DNAH8: variants seen among roughly 807,000 people sequenced by gnomAD.
DNAH8 encodes the protein axonemal beta dynein heavy chain 8.
Under a neutral mutation model 562.1 loss-of-function variants are expected in DNAH8, and 382 were observed. The observed-to-expected ratio is 0.68, with a 90% confidence interval of 0.63 to 0.74. The LOEUF (loss-of-function observed/expected upper bound fraction) is 0.74. Ranked by LOEUF, DNAH8 falls within the 30% of genes least tolerant of loss-of-function variation. DNAH8 has a pLI of 0.00. For synonymous variants in DNAH8, 1,881 were observed against 1,919.4 expected, an observed-to-expected ratio of 0.98 and a Z score of 0.52; for missense variants, 5,203 against 5,620.4, an observed-to-expected ratio of 0.93 and a Z score of 2.37.
intron 23 of DNAH8, among the ~76,000 whole-genome samples, chr6:38,806,837 T>A (rs1201132356): frequency 6.6e-6 from 1 of 152,172 alleles, no homozygotes; most frequent in East Asian, 1.9e-4. Context: ...GTGCTTTAGC[T>A]TGATAGTTCA....
rs73734461 is a variant in DNAH8, at chr6:38,781,968, G to A, written c.2259+595G>A. Reference sequence around the variant, plus strand: ...ATTTAAGAGACAGAGTCACAAGGTGGAGTTGGTTTGCTTGATCTCGTGCCC... The same window carrying A: ...ATTTAAGAGACAGAGTCACAAGGTGAAGTTGGTTTGCTTGATCTCGTGCCC... On this transcript the variant is annotated intron_variant, in intron 16 of 92. Transcript: ENST00000327475. Among the ~76,000 whole-genome samples the A allele has an allele frequency of 9.7e-3, 1,475 of 152,168 alleles. 20 individuals are homozygous for A. Among genetic ancestry groups the A allele is most frequent in the African/African-American group, 0.033 (1,385 of 41,500 alleles).
intron 48 of DNAH8, among the ~76,000 whole-genome samples, 164 bp from the exon 49 acceptor site, chr6:38,870,237 A>C (rs1777364665): frequency 6.6e-6 from 1 of 152,292 alleles, no homozygotes; most frequent in East Asian, 1.9e-4. Flanking sequence ...CAGCCAAACC[A>C]TATCAGTGAT....
chr6:38,965,708 C>T (rs1455427706), intron 82 of DNAH8, among the ~76,000 whole-genome samples: 1 of 152,186 alleles, frequency 6.6e-6, no homozygotes, highest in Non-Finnish European at 1.5e-5. Context: ...TGCATACACG[C>T]TTCTCTTGAG....
intron 21 of DNAH8, among the ~76,000 whole-genome samples, chr6:38,800,971 G>T: frequency 6.6e-6 from 1 of 152,072 alleles, no homozygotes; most frequent in South Asian, 2.1e-4. Context: ...ATGATTTACA[G>T]TTTTTTTTCT....
intron 57 of DNAH8, among the ~76,000 whole-genome samples, chr6:38,887,836 T>C (rs1779063413): frequency 1.9e-5 from 2 of 105,148 alleles, no homozygotes; most frequent in Admixed American, 1.9e-4. Context: ...GGGCAGACTT[T>C]TTTTTTTTTT....
Position 38,722,804 on chromosome 6 carries a change from CG to C in DNAH8, c.-1del. ...TCGAAGTATAAAGCATTCCGCACGACGGGGGATGGAGAAGGATGCTGAAGAT... is the reference window on the plus strand; with the variant it reads ...TCGAAGTATAAAGCATTCCGCACGACGGGGATGGAGAAGGATGCTGAAGAT... On this transcript the variant is annotated 5_prime_UTR_variant, in exon 2 of 93. Transcript: ENST00000327475. 1 of 1,574,186 alleles carries C rather than the reference CG, an allele frequency of 6.4e-7. No homozygotes were observed.
chr6:38,823,372 C>T (rs1773045506), intron 27 of DNAH8, among the ~76,000 whole-genome samples, 190 bp from the exon 28 acceptor site: 1 of 152,170 alleles, frequency 6.6e-6, no homozygotes, highest in African/African-American at 2.4e-5. Flanking sequence ...AACTTTAGAA[C>T]TCTGAATAAC....
chr6:38,727,199 A>T (rs1467509982), intron 3 of DNAH8, among the ~76,000 whole-genome samples: 1 of 152,166 alleles, frequency 6.6e-6, no homozygotes, highest in East Asian at 1.9e-4. Context: ...CATGCAATCC[A>T]GGATGAAAGC....
rs1170207725 is a variant in DNAH8, at chr6:38,909,782, A to G, written c.9740+38A>G. The G allele has an allele frequency of 5.3e-6, 8 of 1,512,444 alleles. No homozygotes were observed. The Admixed American group carries it at 1.3e-4, about 25-fold the overall frequency. 93.7% of individuals were successfully genotyped at this position (1,512,444 alleles called of 1,614,324 possible). On this transcript the variant is annotated intron_variant, in intron 65 of 92. Transcript: ENST00000327475. ...ACATAAGCACCATCGCTATGGAACCACAGCATGTATTCCCAAGAGGAATGC... is the reference window on the plus strand; with the variant it reads ...ACATAAGCACCATCGCTATGGAACCGCAGCATGTATTCCCAAGAGGAATGC...
In DNAH8 at chr6:38,863,923, G is replaced by A. The variant is rs770946677; in HGVS notation, c.6361G>A (p.Glu2121Lys). Residue 2121 changes from glutamate (E) to lysine (K), a missense_variant, in exon 45 of 93, where the codon GAA becomes AAA. Physicochemically the swap from Glu to Lys is moderately conservative, Grantham distance 56. Coordinates refer to ENST00000327475, the MANE Select transcript of DNAH8 (RefSeq NM_001206927.2). ...WGCFDEFNRI[E>K]LPVLSVAAQQ... ...CTGTTTTGATGAGTTTAACAGAATT[G>A]AATTGCCTGTATTATCAGTGGCAGC... The A allele has an allele frequency of 6.2e-7, 1 of 1,611,826 alleles. No homozygotes were observed. Among genetic ancestry groups the A allele is most frequent in the Non-Finnish European group, 8.5e-7 (1 of 1,179,558 alleles).
chr6:38,873,263 GA>G lies in DNAH8; in HGVS notation c.7509del (p.Ala2504LeufsTer5). On this transcript the variant is annotated frameshift_variant, in exon 52 of 93. Transcript: ENST00000327475. LOFTEE classifies it high-confidence loss of function. ...QAWLKKRTAQ[E>X]AAVFLTLYEK... ...ATGGTTGAAGAAACGCACTGCACAG[GA>G]AGCTGCTGTATTCCTGACACTGTAT... The G allele has an allele frequency of 6.2e-7, 1 of 1,613,584 alleles. No homozygotes were observed. Among genetic ancestry groups the G allele is most frequent in the Non-Finnish European group, 8.5e-7 (1 of 1,179,900 alleles).
intron 43 of DNAH8, among the ~76,000 whole-genome samples, chr6:38,862,058 A>G (rs1776674670): frequency 6.7e-6 from 1 of 148,192 alleles, no homozygotes; most frequent in Non-Finnish European, 1.5e-5. Flanking sequence ...GTTTTAAGTC[A>G]GGGTTGAGGA....
At chr6:38,878,330 C>T (rs771292242) in intron 53 of DNAH8, among the ~76,000 whole-genome samples, 3 of 152,110 alleles carry the variant, frequency 2.0e-5, no homozygotes, top group African/African-American at 7.2e-5. Context: ...TAACAATTCT[C>T]GATAGGGAGA....
intron 17 of DNAH8, 54 bp from the exon 18 acceptor site, chr6:38,786,711 T>C: frequency 6.4e-7 from 1 of 1,560,042 alleles, no homozygotes; most frequent in Non-Finnish European, 8.7e-7. Flanking sequence ...TAAACACAGC[T>C]GGAAGCAGAA....
intron 24 of DNAH8, among the ~76,000 whole-genome samples, chr6:38,813,440 A>G (rs774602888): frequency 6.6e-6 from 1 of 151,926 alleles, no homozygotes; most frequent in Non-Finnish European, 1.5e-5. Context: ...TGGAGGTGTA[A>G]GTTTTCAGTA....
At position 38,845,676 on chromosome 6, in the gene DNAH8, G is replaced by A; in HGVS notation, c.4948G>A (p.Gly1650Arg). 6.2e-7 allele frequency: 1 copy of A among 1,613,920 alleles called. No individual in the cohort carries two copies. Among genetic ancestry groups the A allele is most frequent in the Non-Finnish European group, 8.5e-7 (1 of 1,179,878 alleles). ...AAATCTGAGTTTTGCAGCATTTAAG[G>A]GAAAAGGAGAGCTCCTGCTCAAAGG... ...NQNLSFAAFK[G>R]KGELLLKGTE... is the part of the protein sequence containing the mutation. Residue 1650 changes from glycine to arginine, a missense_variant, in exon 36 of 93, where the codon GGA becomes AGA. This residue lies in a region of DNAH8 where 2,176 missense variants were observed against 2,365.1 expected (regional missense o/e 0.92). Coordinates refer to ENST00000327475, the MANE Select transcript of DNAH8 (RefSeq NM_001206927.2).
chr6:38,956,727 AT>A (rs1198323547), intron 82 of DNAH8, among the ~76,000 whole-genome samples: 1 of 152,190 alleles, frequency 6.6e-6, no homozygotes, highest in Admixed American at 6.5e-5. Flanking sequence ...TAAATATCAG[AT>A]TTTTTGGTAA....
rs1226688238 is a variant in DNAH8, at chr6:38,906,382, T to G, written c.9323T>G (p.Leu3108Arg). 1 of 1,607,600 alleles carries G rather than the reference T, an allele frequency of 6.2e-7. No individual in the cohort carries two copies. Among genetic ancestry groups the G allele is most frequent in the Non-Finnish European group, 8.5e-7 (1 of 1,177,482 alleles). Residue 3108 changes from leucine (L) to arginine (R), a missense_variant, in exon 63 of 93, where the codon CTT (leucine) becomes CGT (arginine). This residue lies in a region of DNAH8 where 977 missense variants were observed against 1,061.8 expected (regional missense o/e 0.92). Coordinates refer to ENST00000327475, the MANE Select transcript of DNAH8 (RefSeq NM_001206927.2). Reference protein sequence around the residue: ...EIKDEAFLEYLNNLLSSGEIS... With the variant: ...EIKDEAFLEYRNNLLSSGEIS... ...AAAGATGAGGCATTTCTAGAATACC[T>G]TAACAACTTGCTATCTTCAGGGGAG...
chr6:39,025,623 C>T (rs757953975), intron 91 of DNAH8, among the ~76,000 whole-genome samples: 19 of 152,196 alleles, frequency 1.2e-4, no homozygotes, highest in Non-Finnish European at 2.2e-4. Context: ...CCTCCCCCAA[C>T]TCCCATTCAA....
Sources: gnomAD v4.1 joint callset for allele counts (sites outside exome capture counted in the v4.1 genomes callset) on GRCh38, gnomAD v4.1.1 for gene constraint, gnomAD v4.1.1 regional missense constraint, MANE v1.5 for transcripts, NCBI Gene and HGNC (gene_info 2026-07-23, HGNC 2026-07-21) for gene names.